Variants in B3GNT5 observed in about 807,000 individuals in gnomAD.
B3GNT5 encodes lactosylceramide 1,3-N-acetyl-beta-D-glucosaminyltransferase.
A neutral mutation model predicts 25.9 loss-of-function variants in B3GNT5; 11 were observed. The ratio of observed to expected loss-of-function variants is 0.42; its 90% CI spans 0.27 to 0.70. B3GNT5 has a LOEUF of 0.70. B3GNT5 is among the 30% of genes least tolerant of loss of function. The pLI is 0.23. For missense variants in B3GNT5, 385 were observed against 458.4 expected, an observed-to-expected ratio of 0.84 and a Z score of 1.46; for synonymous variants, 166 against 158.6, an observed-to-expected ratio of 1.05 and a Z score of -0.35.
chr3:183,255,807 T>TAAA (rs543086878), intron 1 of B3GNT5, among the ~76,000 whole-genome samples: 25 of 134,418 alleles, frequency 1.9e-4, no homozygotes, highest in African/African-American at 6.4e-4. Flanking sequence ...GGTGAGATTG[T>TAAA]AAAAAAAAAA....
At position 183,272,770 on chromosome 3, in the gene B3GNT5, C is replaced by A; in HGVS notation, c.*1835C>A. The stretch of plus-strand genomic sequence containing the variant: ...AGTTGATTGATTAATGATGTATTGC[C>A]TTTTGCCCATATATACCCTGTGTAT... On this transcript the variant is annotated 3_prime_UTR_variant, in exon 2 of 2. Transcript: ENST00000326505. 4 of 1,102,542 alleles carry A rather than the reference C, an allele frequency of 3.6e-6. No homozygotes were observed. The highest frequency in any genetic ancestry group is 3.3e-6 in the Non-Finnish European group (3 of 896,836). 68.3% of individuals were successfully genotyped at this position (1,102,542 alleles called of 1,614,324 possible).
chr3:183,272,959 A>T lies in B3GNT5; in HGVS notation c.*2024A>T. ...TAATTTTTGCTTAGAATAGAATGGAACAAGTTTAAATTTCAAGGAAATATG... is the reference window on the plus strand; with the variant it reads ...TAATTTTTGCTTAGAATAGAATGGATCAAGTTTAAATTTCAAGGAAATATG... On this transcript the variant is annotated 3_prime_UTR_variant, in exon 2 of 2. Transcript: ENST00000326505. 1 of 1,447,762 alleles carries T rather than the reference A, an allele frequency of 6.9e-7. No homozygotes were observed. The highest frequency in any genetic ancestry group is 9.1e-7 in the Non-Finnish European group (1 of 1,103,568). The allele number at this position is 1,447,762 out of a possible 1,614,324, so 89.7% of individuals were successfully genotyped here.
At chr3:183,259,347 G>A (rs1331775662) in intron 1 of B3GNT5, among the ~76,000 whole-genome samples, 2 of 152,080 alleles carry the variant, frequency 1.3e-5, no homozygotes, top group Non-Finnish European at 2.9e-5. Context: ...TTTGTAGCAT[G>A]TTTTATATCA....
At chr3:183,261,335 G>GA (rs750640485) in intron 1 of B3GNT5, among the ~76,000 whole-genome samples, 110 of 152,148 alleles carry the variant, frequency 7.2e-4, no homozygotes, top group Admixed American at 3.2e-3. Flanking sequence ...AAGAAGCCAG[G>GA]AAAAAATACT....
rs1726805426 is a variant in B3GNT5 at position 183,271,791 on chromosome 3, T to A, written c.*856T>A. ...TATTGGTCTGTGTTTAAGTTTGTTA[T>A]TTGAATGTAATTTACATAGAGGAAT... is the stretch of plus-strand genomic sequence containing the variant. On this transcript the variant is annotated 3_prime_UTR_variant, in exon 2 of 2. Transcript: ENST00000326505. 1 of 166,996 alleles carries A rather than the reference T, an allele frequency of 6.0e-6. No individual in the cohort carries two copies. The highest frequency in any genetic ancestry group is 2.1e-4 in the South Asian group (1 of 4,830). 10.3% of individuals were successfully genotyped at this position (166,996 alleles called of 1,614,324 possible). A position where few individuals can be genotyped will look rare whatever the true frequency, so the allele number is the denominator to read the frequency against.
rs1176436575 is a variant in B3GNT5, at chr3:183,270,754, T to A, written c.956T>A (p.Met319Lys). ...TATCATCCCTGCATCTATGAAAAAA[T>A]GATGACATCTCATGGACACTTAGAA... is the stretch of plus-strand genomic sequence containing the variant. The part of the protein sequence containing the change: ...TPYHPCIYEK[M>K]MTSHGHLEDL... The change falls in exon 2 of 2, where the codon ATG becomes AAG. Residue 319 changes from methionine to lysine, a missense_variant. By Grantham distance (95) the Met-to-Lys change is moderately conservative. Transcript: ENST00000326505. The surrounding 1 kb of genome is among the most constrained non-coding windows in gnomAD (Gnocchi z 4.5). 2.5e-6 allele frequency: 4 copies of A among 1,613,642 alleles called. No individual in the cohort carries two copies. The highest frequency in any genetic ancestry group is 2.5e-6 in the Non-Finnish European group (3 of 1,179,880).
chr3:183,261,480 G>C (rs927271382), intron 1 of B3GNT5, among the ~76,000 whole-genome samples: 1 of 152,112 alleles, frequency 6.6e-6, no homozygotes, highest in African/African-American at 2.4e-5. Flanking sequence ...AAATGTAAAA[G>C]ATATAAAGGA....
chr3:183,254,685 T>A (rs955697368), intron 1 of B3GNT5: 1 of 152,202 alleles, frequency 6.6e-6, no homozygotes, highest in African/African-American at 2.4e-5. Context: ...GCCACCCGCC[T>A]CCGGCTGGAG....
At chr3:183,264,854 G>A (rs1477855546) in intron 1 of B3GNT5, among the ~76,000 whole-genome samples, 2 of 152,154 alleles carry the variant, frequency 1.3e-5, no homozygotes, top group African/African-American at 4.8e-5. Context: ...GAGTAACTGA[G>A]GGGCACGGCT....
At chr3:183,264,434 A>ACGC in intron 1 of B3GNT5, among the ~76,000 whole-genome samples, 1 of 152,232 alleles carries the variant, frequency 6.6e-6, no homozygotes, top group Non-Finnish European at 1.5e-5. Context: ...TGTGGGAACT[A>ACGC]TGCTTTCATG....
rs762202095 is a variant in B3GNT5, at chr3:183,270,467, TCATCGTGGTGCCCCTCC to T, written c.673_689del (p.Arg225Ter). On this transcript the variant is annotated frameshift_variant, in exon 2 of 2. Transcript: ENST00000326505. LOFTEE classifies it high-confidence loss of function. This position sits in a 1 kb window ranked among gnomAD's most constrained non-coding sequence, Gnocchi z 4.5. Reference sequence around the variant, plus strand: ...TTCAAGACTTTTGGATTGGTCGTGTTCATCGTGGTGCCCCTCCCATTAGAGATAAAAGCAGCAAATAC... The same window carrying T: ...TTCAAGACTTTTGGATTGGTCGTGTTCATTAGAGATAAAAGCAGCAAATAC... 6.2e-7 allele frequency: 1 copy of T among 1,614,214 alleles called. No homozygotes were observed. The highest frequency in any genetic ancestry group is 8.5e-7 in the Non-Finnish European group (1 of 1,180,024).
At chr3:183,264,879 T>C (rs944453108) in intron 1 of B3GNT5, among the ~76,000 whole-genome samples, 1 of 152,192 alleles carries the variant, frequency 6.6e-6, no homozygotes, top group Non-Finnish European at 1.5e-5. Flanking sequence ...GACTGAAAAG[T>C]ATTTGGGATC....
At chr3:183,259,759 C>CT (rs1725418444) in intron 1 of B3GNT5, among the ~76,000 whole-genome samples, 2 of 152,058 alleles carry the variant, frequency 1.3e-5, no homozygotes, top group Non-Finnish European at 2.9e-5. Context: ...GTCCCTGAAT[C>CT]TTTTTTGTGG....
chr3:183,259,096 C>T (rs765207033), intron 1 of B3GNT5, among the ~76,000 whole-genome samples: 1 of 152,124 alleles, frequency 6.6e-6, no homozygotes. Context: ...TGAACGTACA[C>T]GACCAACTGC....
chr3:183,253,973 G>A (rs1250932974), intron 1 of B3GNT5: 2 of 152,112 alleles, frequency 1.3e-5, no homozygotes, highest in South Asian at 2.1e-4. Flanking sequence ...TCCAGGCCAC[G>A]GATGGTTCGT....
At position 183,269,546 on chromosome 3, in the gene B3GNT5, G is replaced by GCATGAGGCAT; in HGVS notation, c.-252_-251insATGAGGCATC. ...AGAGCCGCATGAGGCCGCCCACCAC[G>GCATGAGGCAT]CTTCCTGAAGGATGCCCGTGTGGAA... On this transcript the variant is annotated 5_prime_UTR_variant, in exon 2 of 2. It adds an upstream start codon to the 5' untranslated region. Transcript: ENST00000326505. 1 of 405,118 alleles carries GCATGAGGCAT rather than the reference G, an allele frequency of 2.5e-6. No individual in the cohort carries two copies. Among genetic ancestry groups the GCATGAGGCAT allele is most frequent in the Non-Finnish European group, 4.4e-6 (1 of 228,794 alleles). The allele number at this position is 405,118 out of a possible 1,614,324, so 25.1% of individuals were successfully genotyped here.
chr3:183,258,934 A>T (rs1023846106), intron 1 of B3GNT5, among the ~76,000 whole-genome samples: 1 of 152,204 alleles, frequency 6.6e-6, no homozygotes, highest in Non-Finnish European at 1.5e-5. Context: ...TAACTAATGC[A>T]ATATAAATGC....
chr3:183,270,353 T>C lies in B3GNT5; in HGVS notation c.555T>C (p.His185=). 1 of 1,614,198 alleles carries C rather than the reference T, an allele frequency of 6.2e-7. No individual in the cohort carries two copies. Among genetic ancestry groups the C allele is most frequent in the South Asian group, 1.1e-5 (1 of 91,086 alleles). Reference sequence around the variant, plus strand: ...GTTGGGCAAATACCTATTGTCCACATGCCAAATTTCTTATGACTGCTGATG... The same window carrying C: ...GTTGGGCAAATACCTATTGTCCACACGCCAAATTTCTTATGACTGCTGATG... ...QFSWANTYCP[H]AKFLMTADDD... Residue 185 remains histidine (H), a synonymous_variant, in exon 2 of 2, where the codon CAT becomes CAC. Coordinates refer to ENST00000326505, the MANE Select transcript of B3GNT5 (RefSeq NM_032047.5). This position sits in a 1 kb window ranked among gnomAD's most constrained non-coding sequence, Gnocchi z 4.5.
At chr3:183,256,134 T>G (rs1414872398) in intron 1 of B3GNT5, among the ~76,000 whole-genome samples, 2 of 152,244 alleles carry the variant, frequency 1.3e-5, no homozygotes, top group African/African-American at 4.8e-5. Flanking sequence ...CTTTGAATTT[T>G]TATAATACAT....
Sources: allele counts gnomAD v4.1 joint callset (sites outside exome capture counted in the v4.1 genomes callset), GRCh38; gene constraint gnomAD v4.1.1; non-coding constraint Gnocchi (gnomAD v3.1); transcripts MANE v1.5; gene names NCBI Gene and HGNC (gene_info 2026-07-23, HGNC 2026-07-21).